XKR9: variants seen among roughly 807,000 people sequenced by gnomAD.
XKR9 encodes XK related 9.
Under a neutral mutation model 32.0 loss-of-function variants are expected in XKR9, and 32 were observed. The ratio of observed to expected loss-of-function variants is 1.00; its 90% CI spans 0.76 to 1.34. XKR9 has a LOEUF of 1.34. XKR9 is among the 40% of genes most tolerant of loss of function. The pLI, the probability that XKR9 is intolerant of heterozygous loss-of-function variation, is 0.00. For synonymous variants in XKR9, 168 were observed against 143.4 expected (o/e 1.17, Z -1.22); for missense variants, 546 against 429.7 (o/e 1.27, Z -2.39).
At chr8:70,855,247 G>A in the XKR9 span, among the ~76,000 whole-genome samples, 1 of 152,014 alleles carries the variant, frequency 6.6e-6, no homozygotes, top group African/African-American at 2.4e-5. Flanking sequence ...TTAGACGAAT[G>A]GTTAACTAGA....
At chr8:70,885,754 G>A in the XKR9 span, among the ~76,000 whole-genome samples, 2 of 152,078 alleles carry the variant, frequency 1.3e-5, no homozygotes, top group Non-Finnish European at 2.9e-5. Context: ...CTGCCACCAC[G>A]CCCGGCTAAT....
chr8:70,946,108 C>G, the XKR9 span, among the ~76,000 whole-genome samples: 2 of 152,088 alleles, frequency 1.3e-5, no homozygotes, highest in Non-Finnish European at 2.9e-5. Flanking sequence ...GCACTCCAGC[C>G]TGGTGACACA....
At chr8:70,815,198 A>C in the XKR9 span, among the ~76,000 whole-genome samples, 302 of 152,234 alleles carry the variant, frequency 2.0e-3, 3 homozygotes, top group Non-Finnish European at 2.2e-3. Flanking sequence ...TTCAGGATAC[A>C]TGTGCAGGTT....
chr8:71,021,762 A>G, the XKR9 span, among the ~76,000 whole-genome samples: 1 of 151,550 alleles, frequency 6.6e-6, no homozygotes, highest in Non-Finnish European at 1.5e-5. Context: ...CGGCCTCCCA[A>G]AGTGCTGGGA....
At chr8:71,011,201 T>C in the XKR9 span, among the ~76,000 whole-genome samples, 1 of 152,276 alleles carries the variant, frequency 6.6e-6, no homozygotes, top group African/African-American at 2.4e-5. Flanking sequence ...ATATGATTTA[T>C]AGGAGACAGT....
the XKR9 span, among the ~76,000 whole-genome samples, chr8:70,870,661 T>A: frequency 6.6e-6 from 1 of 152,194 alleles, no homozygotes; most frequent in Non-Finnish European, 1.5e-5. Context: ...TTGATAGAAG[T>A]GTTTGCATCA....
chr8:70,910,255 A>G, the XKR9 span, among the ~76,000 whole-genome samples: 2 of 152,112 alleles, frequency 1.3e-5, no homozygotes, highest in Non-Finnish European at 2.9e-5. Context: ...TTGTTACCCC[A>G]GCTGCCTCTC....
chr8:70,970,648 T>G, the XKR9 span, among the ~76,000 whole-genome samples: 1 of 152,226 alleles, frequency 6.6e-6, no homozygotes, highest in African/African-American at 2.4e-5. Flanking sequence ...GGACATGAAC[T>G]CATCCTTTTT....
At chr8:70,998,079 A>G in the XKR9 span, among the ~76,000 whole-genome samples, 1 of 152,230 alleles carries the variant, frequency 6.6e-6, no homozygotes, top group Non-Finnish European at 1.5e-5. Context: ...AACAAAGGTC[A>G]CCAATCCAAG....
intron 2 of XKR9, among the ~76,000 whole-genome samples, chr8:70,676,232 T>G (rs1372245065): frequency 2.0e-5 from 3 of 152,130 alleles, no homozygotes; most frequent in Non-Finnish European, 4.4e-5. Context: ...TCTCACTCAC[T>G]ATCGTGAGGA....
At chr8:70,708,759 CTA>C (rs1334598578) in intron 4 of XKR9, among the ~76,000 whole-genome samples, 1 of 151,882 alleles carries the variant, frequency 6.6e-6, no homozygotes, top group African/African-American at 2.4e-5. Context: ...TCTATAGTAA[CTA>C]TGTATAAAAT....
At chr8:70,808,030 A>T in the XKR9 span, among the ~76,000 whole-genome samples, 1 of 150,892 alleles carries the variant, frequency 6.6e-6, no homozygotes, top group Non-Finnish European at 1.5e-5. Flanking sequence ...ACTCCTTAGG[A>T]AATGCAAAAA....
chr8:70,741,281 G>A (rs900735535), intron 2 of XKR9, among the ~76,000 whole-genome samples: 3 of 152,182 alleles, frequency 2.0e-5, no homozygotes, highest in African/African-American at 7.2e-5. Flanking sequence ...AAGAGGAAGA[G>A]AGACCTGAGC....
the XKR9 span, among the ~76,000 whole-genome samples, chr8:70,845,078 G>A: frequency 2.6e-5 from 4 of 152,214 alleles, no homozygotes; most frequent in Admixed American, 2.6e-4. Context: ...GGGGTCCAAG[G>A]AGTGGCCTAC....
chr8:70,874,668 G>T, the XKR9 span, among the ~76,000 whole-genome samples: 465 of 152,286 alleles, frequency 3.1e-3, 3 homozygotes, highest in African/African-American at 0.011. Context: ...TGAAAAACAG[G>T]AATGTATTGA....
chr8:70,700,798 C>T (rs1010917623), intron 3 of XKR9, among the ~76,000 whole-genome samples: 12 of 152,316 alleles, frequency 7.9e-5, no homozygotes, highest in African/African-American at 2.9e-4. Flanking sequence ...GTGGAGCCTA[C>T]AGAGGCAGGC....
the XKR9 span, among the ~76,000 whole-genome samples, chr8:70,919,353 A>G: frequency 0.012 from 1,840 of 152,302 alleles, 29 homozygotes; most frequent in Middle Eastern, 0.037. Context: ...TTCTCTCCCT[A>G]TTATCTATCT....
chr8:71,038,362 C>A, the XKR9 span, among the ~76,000 whole-genome samples: 1 of 149,722 alleles, frequency 6.7e-6, no homozygotes, highest in South Asian at 2.1e-4. Context: ...GCTCCATCAC[C>A]CAGGCTGGAG....
the XKR9 span, among the ~76,000 whole-genome samples, chr8:70,802,968 C>T: frequency 6.6e-6 from 1 of 152,110 alleles, no homozygotes; most frequent in Admixed American, 6.6e-5. Flanking sequence ...TAGGAGTTCT[C>T]TGCATTTCTT....
Sources: allele counts gnomAD v4.1 joint callset (sites outside exome capture counted in the v4.1 genomes callset), GRCh38; gene constraint gnomAD v4.1.1; transcripts MANE v1.5; gene names NCBI Gene and HGNC (gene_info 2026-07-23, HGNC 2026-07-21).